CSMD1: variants seen among roughly 807,000 people sequenced by gnomAD.
CSMD1 encodes the protein CUB and Sushi multiple domains 1.
In CSMD1, 213 loss-of-function variants were observed where a neutral mutation model predicts 417.5. The observed-to-expected ratio is 0.51, with a 90% CI of 0.46 to 0.57. The LOEUF is 0.57. CSMD1 is among the 20% of genes least tolerant of loss of function. The pLI is 0.00. For synonymous variants in CSMD1, 2,862 were observed against 1,736.8 expected, an observed-to-expected ratio of 1.65 and a Z score of -16.11; for missense variants, 6,923 against 4,529.7, an observed-to-expected ratio of 1.53 and a Z score of -15.17.
rs898823051 is a variant in CSMD1 at position 4,001,152 on chromosome 8, G to A, written c.611-3042C>T. 3.3e-4 allele frequency among the ~76,000 whole-genome samples: 50 copies of A among 152,226 alleles called. No homozygotes were observed. The Middle Eastern group carries it at 0.017, about 52-fold the overall frequency. ...TTATTTAAAAAGCTTTGAAATAGTC[G>A]TATTTATGTGCATGGTATAGAATAA... On this transcript the variant is annotated intron_variant, in intron 4 of 69. Coordinates refer to ENST00000635120, the MANE Select transcript of CSMD1 (RefSeq NM_033225.6).
At chr8:3,900,463 C>A (rs1432840331) in intron 5 of CSMD1, among the ~76,000 whole-genome samples, 1 of 151,470 alleles carries the variant, frequency 6.6e-6, no homozygotes, top group African/African-American at 2.4e-5. Flanking sequence ...AACAGTGCAG[C>A]TGGGTGACAC....
intron 2 of CSMD1, among the ~76,000 whole-genome samples, chr8:4,491,026 G>T (rs967819801): frequency 2.0e-5 from 3 of 152,150 alleles, no homozygotes; most frequent in Non-Finnish European, 4.4e-5. Flanking sequence ...CATGTAGGCA[G>T]CTCCTATGGT....
At chr8:4,292,001 G>C (rs1202815387) in intron 3 of CSMD1, among the ~76,000 whole-genome samples, 3 of 152,140 alleles carry the variant, frequency 2.0e-5, no homozygotes, top group African/African-American at 7.2e-5. Context: ...GCCAGAGTGA[G>C]TTTGTTGCAT....
intron 3 of CSMD1, among the ~76,000 whole-genome samples, chr8:4,415,230 C>T (rs1796867779): frequency 6.6e-6 from 1 of 152,168 alleles, no homozygotes; most frequent in Admixed American, 6.5e-5. Context: ...CCCCACTGAA[C>T]TCAGCCTCCA....
At chr8:3,271,230 C>G (rs187545192) in intron 26 of CSMD1, among the ~76,000 whole-genome samples, 2 of 152,028 alleles carry the variant, frequency 1.3e-5, no homozygotes, top group African/African-American at 2.4e-5. Flanking sequence ...TTTCCAATTT[C>G]TTCCATGTCC....
intron 6 of CSMD1, among the ~76,000 whole-genome samples, chr8:3,726,215 A>T (rs1802486594): frequency 6.6e-6 from 1 of 152,172 alleles, no homozygotes; most frequent in Non-Finnish European, 1.5e-5. Flanking sequence ...CTGCAGCCCC[A>T]GCCAGCATTG....
At chr8:4,151,507 G>T (rs551707317) in intron 3 of CSMD1, among the ~76,000 whole-genome samples, 1 of 152,140 alleles carries the variant, frequency 6.6e-6, no homozygotes, top group South Asian at 2.1e-4. Context: ...GAACCAAATG[G>T]AAGATTTTGG....
At chr8:4,546,259 G>A (rs1797627683) in intron 2 of CSMD1, among the ~76,000 whole-genome samples, 1 of 152,152 alleles carries the variant, frequency 6.6e-6, no homozygotes, top group Non-Finnish European at 1.5e-5. Context: ...CCCTCTGGAG[G>A]GTCCTTTCCA....
intron 26 of CSMD1, among the ~76,000 whole-genome samples, chr8:3,257,873 G>T (rs1349591695): frequency 6.6e-6 from 1 of 152,116 alleles, no homozygotes; most frequent in Non-Finnish European, 1.5e-5. Flanking sequence ...TGATCCAGGG[G>T]CCATTGCTGG....
intron 30 of CSMD1, among the ~76,000 whole-genome samples, chr8:3,210,643 A>G (rs893807222): frequency 1.3e-5 from 2 of 148,660 alleles, no homozygotes; most frequent in Non-Finnish European, 3.0e-5. Flanking sequence ...TAAAGTGTAT[A>G]TACACTTTAT....
rs186834307 is a variant in CSMD1 at position 4,673,591 on chromosome 8, C to G, written c.86-36033G>C. On this transcript the variant is annotated intron_variant, in intron 1 of 69. Transcript: ENST00000635120. ...TTCTACCTTGTGCTTGGGGGAAACT[C>G]TGGGGGCAATTCACAGACTACCTCT... Among the ~76,000 whole-genome samples, 452 of 152,234 alleles carry G rather than the reference C, an allele frequency of 3.0e-3. 5 individuals are homozygous for G. The highest frequency in any genetic ancestry group is 9.6e-3 in the African/African-American group (400 of 41,542).
chr8:4,033,440 T>G (rs374836868), intron 3 of CSMD1, among the ~76,000 whole-genome samples: 2 of 152,234 alleles, frequency 1.3e-5, no homozygotes, highest in African/African-American at 4.8e-5. Context: ...AGACTCCGCC[T>G]CAAAAAAACA....
At chr8:4,311,557 T>C (rs1457684285) in intron 3 of CSMD1, among the ~76,000 whole-genome samples, 2 of 151,890 alleles carry the variant, frequency 1.3e-5, no homozygotes, top group Non-Finnish European at 2.9e-5. Context: ...ACCCTGTCTC[T>C]ACTAAAAATA....
intron 5 of CSMD1, among the ~76,000 whole-genome samples, chr8:3,796,074 G>C (rs1255638934): frequency 2.7e-5 from 1 of 37,438 alleles, no homozygotes; most frequent in Non-Finnish European, 5.8e-5. Flanking sequence ...ATCTATCATA[G>C]ATATAGATAT....
chr8:4,513,807 A>C (rs146158032), intron 2 of CSMD1, among the ~76,000 whole-genome samples: 1 of 152,226 alleles, frequency 6.6e-6, no homozygotes, highest in Non-Finnish European at 1.5e-5. Flanking sequence ...AATATTACTT[A>C]AGCTACGCTT....
At chr8:3,562,970 C>G (rs1799534433) in intron 10 of CSMD1, among the ~76,000 whole-genome samples, 1 of 151,694 alleles carries the variant, frequency 6.6e-6, no homozygotes, top group South Asian at 2.1e-4. Flanking sequence ...TAATTGCATT[C>G]TATTAGCCCA....
chr8:4,370,071 C>T lies in CSMD1; in HGVS notation c.415+49882G>A, dbSNP rs192368905. 1.8e-4 allele frequency among the ~76,000 whole-genome samples: 28 copies of T among 151,746 alleles called. No individual in the cohort carries two copies. The East Asian group carries it at 2.7e-3, about 15-fold the overall frequency. ...GAGGTATGTGCTTCAGTGTGTTTTT[C>T]GGTGGTAGTCATTCTTTCATTTCCA... On this transcript the variant is annotated intron_variant, in intron 3 of 69. Transcript: ENST00000635120.
chr8:4,574,928 A>G (rs1370205623), intron 2 of CSMD1, among the ~76,000 whole-genome samples: 1 of 152,236 alleles, frequency 6.6e-6, no homozygotes, highest in Admixed American at 6.5e-5. Flanking sequence ...TTGTTTTAAT[A>G]TCTTTTAGAT....
At chr8:4,459,617 G>C (rs1286624513) in intron 2 of CSMD1, among the ~76,000 whole-genome samples, 2 of 152,152 alleles carry the variant, frequency 1.3e-5, no homozygotes, top group African/African-American at 4.8e-5. Context: ...GAAGAAGATC[G>C]CATTGTGGGT....
Sources: allele counts gnomAD v4.1 joint callset (sites outside exome capture counted in the v4.1 genomes callset), GRCh38; gene constraint gnomAD v4.1.1; transcripts MANE v1.5; gene names NCBI Gene and HGNC (gene_info 2026-07-23, HGNC 2026-07-21).